The following KCNB2 variants were observed in gnomAD, a reference collection of about 807,000 sequenced individuals.
KCNB2 encodes the protein delayed rectifier potassium channel protein.
KCNB2 carries 15 observed loss-of-function variants against 61.5 expected under a neutral mutation model. The ratio of observed to expected loss-of-function variants is 0.24; its 90% confidence interval spans 0.16 to 0.38. KCNB2 has a LOEUF of 0.38. KCNB2 is among the 10% of genes least tolerant of loss of function. The pLI is 1.00. For synonymous variants in KCNB2, 457 were observed against 446.0 expected, an observed-to-expected ratio of 1.02 and a Z score of -0.31; for missense variants, 828 against 1,125.2, an observed-to-expected ratio of 0.74 and a Z score of 3.78.
At chr8:72,718,755 T>C (rs1051862081) in intron 2 of KCNB2, among the ~76,000 whole-genome samples, 1 of 152,010 alleles carries the variant, frequency 6.6e-6, no homozygotes, top group Admixed American at 6.6e-5. Context: ...ATGGCACATA[T>C]ATACATATGT....
intron 2 of KCNB2, among the ~76,000 whole-genome samples, chr8:72,817,312 C>G (rs945591132): frequency 6.6e-6 from 1 of 152,108 alleles, no homozygotes; most frequent in Non-Finnish European, 1.5e-5. Context: ...ACCCCCTCAC[C>G]GAGCAGGTTC....
At chr8:72,567,542 G>GT (rs1806642621) in intron 1 of KCNB2, 100 bp from the exon 2 acceptor site, 5 of 515,342 alleles carry the variant, frequency 9.7e-6, no homozygotes, top group Non-Finnish European at 1.7e-5. Flanking sequence ...GTATTCAGTC[G>GT]TTAATATTGT....
At chr8:72,931,156 T>C (rs1481802922) in intron 2 of KCNB2, among the ~76,000 whole-genome samples, 1 of 152,238 alleles carries the variant, frequency 6.6e-6, no homozygotes, top group Non-Finnish European at 1.5e-5. Flanking sequence ...CATTGATCTA[T>C]ATCTCTGTTT....
Position 72,619,326 on chromosome 8 carries a change from A to C in KCNB2, c.579+51013A>C, listed in dbSNP as rs1323639136. On this transcript the variant is annotated intron_variant, in intron 2 of 2. Transcript: ENST00000523207. ...GGCAGGGGAAAAGTTCACACTCTCCATGAGAAGGTCTTGAAGAGGCTTGGC... is the reference window on the plus strand; with the variant it reads ...GGCAGGGGAAAAGTTCACACTCTCCCTGAGAAGGTCTTGAAGAGGCTTGGC... The C allele has an allele frequency of 4.9e-6, 3 of 608,284 alleles. No homozygotes were observed. The African/African-American group carries it at 5.6e-5, about 11-fold the overall frequency. 37.7% of individuals were successfully genotyped at this position (608,284 alleles called of 1,614,324 possible). A position where few individuals can be genotyped will look rare whatever the true frequency, so the allele number is the denominator to read the frequency against.
At chr8:72,821,657 A>ACAC (rs1809512574) in intron 2 of KCNB2, among the ~76,000 whole-genome samples, 3 of 146,778 alleles carry the variant, frequency 2.0e-5, no homozygotes, top group Admixed American at 6.8e-5. Context: ...AAAAAAAAAA[A>ACAC]AAACACACAC....
At chr8:72,789,435 C>A (rs1808898655) in intron 2 of KCNB2, among the ~76,000 whole-genome samples, 2 of 152,108 alleles carry the variant, frequency 1.3e-5, no homozygotes, top group African/African-American at 4.8e-5. Context: ...TTATCTAAAT[C>A]TTTTTGAACC....
At chr8:72,640,276 G>A (rs573255038) in intron 2 of KCNB2, among the ~76,000 whole-genome samples, 2 of 152,232 alleles carry the variant, frequency 1.3e-5, no homozygotes, top group South Asian at 4.1e-4. Flanking sequence ...AGGTGCCTGT[G>A]CCAGACACAC....
At chr8:72,912,489 CATATATAT>C (rs5892374) in intron 2 of KCNB2, among the ~76,000 whole-genome samples, 2,240 of 137,328 alleles carry the variant, frequency 0.016, 36 homozygotes, top group African/African-American at 0.04. Flanking sequence ...AGCTTTTATT[CATATATAT>C]ATATATATAT....
At position 72,821,683 on chromosome 8, in the gene KCNB2, A is replaced by G. The variant is rs73686530; in HGVS notation, c.580-114252A>G. On this transcript the variant is annotated intron_variant, in intron 2 of 2. Transcript: ENST00000523207. ...AAACACACACACACCAAGCCCCCAC[A>G]GTGTGTGGAACTGGAAAAAACAGAC... is the stretch of plus-strand genomic sequence containing the variant. Among the ~76,000 whole-genome samples, 531 of 150,178 alleles carry G rather than the reference A, an allele frequency of 3.5e-3. 4 individuals carry two copies. The highest frequency in any genetic ancestry group is 0.012 in the African/African-American group (494 of 41,006).
intron 2 of KCNB2, among the ~76,000 whole-genome samples, chr8:72,693,112 A>G (rs373480005): frequency 6.6e-6 from 1 of 152,290 alleles, no homozygotes; most frequent in African/African-American, 2.4e-5. Context: ...TGCCTTGTCT[A>G]ATTTGAACAA....
At chr8:72,763,837 C>T (rs1184023828) in intron 2 of KCNB2, among the ~76,000 whole-genome samples, 1 of 152,102 alleles carries the variant, frequency 6.6e-6, no homozygotes, top group Non-Finnish European at 1.5e-5. Flanking sequence ...GCCTATGTGC[C>T]ACACTGTTGG....
chr8:72,839,599 CTTTTTTTTTTTTTTT>C (rs10561095), intron 2 of KCNB2, among the ~76,000 whole-genome samples: 10 of 87,658 alleles, frequency 1.1e-4, no homozygotes, highest in Admixed American at 5.2e-4. Context: ...TGAAAGGCTT[CTTTTTTTTTTTTTTT>C]TTTTTTTTTT....
At chr8:72,865,409 TTCTC>T (rs551032879) in intron 2 of KCNB2, among the ~76,000 whole-genome samples, 1 of 152,106 alleles carries the variant, frequency 6.6e-6, no homozygotes, top group Admixed American at 6.6e-5. Context: ...TTTCCGTTCT[TTCTC>T]TCTCTGAAAA....
intron 2 of KCNB2, among the ~76,000 whole-genome samples, chr8:72,635,599 C>T (rs2128985289): frequency 6.6e-6 from 1 of 152,282 alleles, no homozygotes; most frequent in South Asian, 2.1e-4. Flanking sequence ...TTTATATTCT[C>T]ACCTCTAGTA....
At chr8:72,791,340 A>AGGAGTTTGAGACC (rs1808939382) in intron 2 of KCNB2, among the ~76,000 whole-genome samples, 1 of 152,192 alleles carries the variant, frequency 6.6e-6, no homozygotes, top group African/African-American at 2.4e-5. Context: ...ACTTGAAGCC[A>AGGAGTTTGAGACC]GGAGTTTGAG....
At chr8:72,863,800 T>A (rs7840770) in intron 2 of KCNB2, among the ~76,000 whole-genome samples, 129,917 of 152,252 alleles carry the variant, frequency 0.85, 56,398 homozygotes, top group Middle Eastern at 0.97. Flanking sequence ...GCTTGAGCCA[T>A]GGAGTTCAGG....
chr8:72,796,592 T>C (rs1445520139), intron 2 of KCNB2, among the ~76,000 whole-genome samples: 2 of 149,662 alleles, frequency 1.3e-5, no homozygotes, highest in African/African-American at 4.9e-5. Flanking sequence ...TAGAAATATA[T>C]AGGTCATTTT....
At position 72,937,968 on chromosome 8, in the gene KCNB2, G is replaced by A. The variant is rs11782118; in HGVS notation, c.2613G>A (p.Val871=). 627,937 of 1,613,696 alleles carry A rather than the reference G, an allele frequency of 0.39. 127,773 individuals carry two copies. The highest frequency in any genetic ancestry group is 0.43 in the Non-Finnish European group (504,030 of 1,179,830). Residue 871 remains valine, a synonymous_variant, in exon 3 of 3, where the codon GTG becomes GTA. Transcript: ENST00000523207. ...HNCRQDIYHA[V]SEVKKDSSQE... ...GTAGGCAAGACATTTACCATGCTGT[G>A]AGTGAAGTCAAAAAGGACAGTAGTC...
intron 2 of KCNB2, among the ~76,000 whole-genome samples, chr8:72,867,193 T>A (rs1474286473): frequency 1.4e-5 from 2 of 146,348 alleles, no homozygotes; most frequent in Non-Finnish European, 2.9e-5. Context: ...AGACAGTATC[T>A]ACACAAGTAA....
Sources: gnomAD v4.1 joint callset for allele counts (sites outside exome capture counted in the v4.1 genomes callset) on GRCh38, gnomAD v4.1.1 for gene constraint, MANE v1.5 for transcripts, NCBI Gene and HGNC (gene_info 2026-07-23, HGNC 2026-07-21) for gene names.